NPR1: variants seen among roughly 807,000 people sequenced by gnomAD.
NPR1 encodes natriuretic peptide receptor 1.
In NPR1, 57 loss-of-function variants were observed where a neutral mutation model predicts 116.9. That is an observed-to-expected ratio of 0.49 (90% CI 0.39 to 0.61). The LOEUF (loss-of-function observed/expected upper bound fraction) is 0.61, where lower values mean the gene tolerates loss of function less well. NPR1 is among the 20% of genes least tolerant of loss of function. The pLI is 0.00. For synonymous variants in NPR1, 555 were observed against 601.6 expected (o/e 0.92, Z 1.13); for missense variants, 1,096 against 1,409.8 (o/e 0.78, Z 3.56).
Position 153,679,442 on chromosome 1 carries a change from G to C in NPR1, c.334G>C (p.Val112Leu). ...CCTCAAGTGGGAGCACAACCCCGCT[G>C]TGTTCCTGGGCCCCGGCTGCGTGTA... Reference protein sequence around the residue: ...VDLKWEHNPAVFLGPGCVYAA... With the variant: ...VDLKWEHNPALFLGPGCVYAA... Residue 112 changes from valine (V) to leucine (L), a missense_variant, in exon 1 of 22, where the codon GTG becomes CTG. Transcript: ENST00000368680. This position sits in a 1 kb window ranked among gnomAD's most constrained non-coding sequence, Gnocchi z 4.2. The C allele has an allele frequency of 6.5e-7, 1 of 1,543,082 alleles. No homozygotes were observed. The highest frequency in any genetic ancestry group is 8.7e-7 in the Non-Finnish European group (1 of 1,148,828).
At chr1:153,692,743 C>T (rs1046080016) in intron 20 of NPR1, among the ~76,000 whole-genome samples, 6 of 151,928 alleles carry the variant, frequency 3.9e-5, no homozygotes, top group African/African-American at 1.5e-4. Flanking sequence ...GAACTCCTGG[C>T]CTCAAGTGAT....
rs1670022336 is a variant in NPR1 at position 153,689,279 on chromosome 1, A to C, written c.2656A>C (p.Thr886Pro). 1 of 1,614,080 alleles carries C rather than the reference A, an allele frequency of 6.2e-7. No homozygotes were observed. Among genetic ancestry groups the C allele is most frequent in the Non-Finnish European group, 8.5e-7 (1 of 1,180,038 alleles). ...CTACTTCAGTGACATTGTGGGTTTCACAGCGCTGTCGGCGGAGAGCACACC... is the reference window on the plus strand; with the variant it reads ...CTACTTCAGTGACATTGTGGGTTTCCCAGCGCTGTCGGCGGAGAGCACACC... ...TIYFSDIVGF[T>P]ALSAESTPMQ... is the part of the protein sequence containing the mutation. The change falls in exon 17 of 22, where the codon ACA (threonine) becomes CCA (proline). Residue 886 changes from threonine (T) to proline (P), a missense_variant. Physicochemically the swap from Thr to Pro is conservative, Grantham distance 38 (BLOSUM62 -1). Transcript: ENST00000368680. This position sits in a 1 kb window ranked among gnomAD's most constrained non-coding sequence, Gnocchi z 5.1.
In NPR1 at chr1:153,689,932, C is replaced by A; in HGVS notation, c.2884C>A (p.Arg962Ser). The A allele has an allele frequency of 6.4e-7, 1 of 1,551,120 alleles. No individual in the cohort carries two copies. The change falls in exon 19 of 22, where the codon CGC becomes AGC. Residue 962 changes from arginine (R) to serine (S), a missense_variant. Transcript: ENST00000368680. This position sits in a 1 kb window ranked among gnomAD's most constrained non-coding sequence, Gnocchi z 5.1. ...GGATGCTGTGCGCTCCTTCCGAATC[C>A]GCCACCGGCCCCAGGAGCAGCTGCG... ...LLDAVRSFRI[R>S]HRPQEQLRLR...
Position 153,679,525 on chromosome 1 carries a change from C to T in NPR1, c.417C>T (p.Ala139=), listed in dbSNP as rs1571343733. Residue 139 remains alanine, a synonymous_variant, in exon 1 of 22, where the codon GCC becomes GCT. Transcript: ENST00000368680. The surrounding 1 kb of genome is among the most constrained non-coding windows in gnomAD (Gnocchi z 4.2). ...ACTGGCGGGTCCCGCTGCTGACCGC[C>T]GGCGCCCCGGCGCTGGGCTTCGGTG... ...TAHWRVPLLT[A]GAPALGFGVK... The T allele has an allele frequency of 2.6e-6, 4 of 1,536,876 alleles. No homozygotes were observed. Among genetic ancestry groups the T allele is most frequent in the South Asian group, 2.4e-5 (2 of 84,166 alleles).
At chr1:153,682,168 C>T (rs1374513188) in intron 4 of NPR1, among the ~76,000 whole-genome samples, 4 of 152,010 alleles carry the variant, frequency 2.6e-5, no homozygotes, top group African/African-American at 9.7e-5. Context: ...AATTCTCCTG[C>T]CTCAGCCTCC....
At chr1:153,681,157 C>G (rs754957187) in intron 2 of NPR1, 23 bp from the exon 3 acceptor site, 1 of 1,427,704 alleles carries the variant, frequency 7.0e-7, no homozygotes, top group Non-Finnish European at 9.9e-7. Context: ...CAACTCTCTG[C>G]TCTCCACTGA....
At chr1:153,681,444 C>T in intron 3 of NPR1, 151 bp downstream of exon 3, 1 of 645,376 alleles carries the variant, frequency 1.5e-6, no homozygotes, top group Non-Finnish European at 2.7e-6. Flanking sequence ...GAGGAGGACA[C>T]TGGCAAGTTC....
intron 7 of NPR1, 116 bp from the exon 8 acceptor site, chr1:153,684,848 C>T (rs1669882308): frequency 3.7e-6 from 5 of 1,343,938 alleles, no homozygotes; most frequent in Non-Finnish European, 4.1e-6. Flanking sequence ...GGATAGAATT[C>T]CCCCTCCATC....
chr1:153,681,411 G>A, intron 3 of NPR1, 118 bp downstream of exon 3: 1 of 693,134 alleles, frequency 1.4e-6, no homozygotes, highest in Non-Finnish European at 2.5e-6. Flanking sequence ...CCTTCCCATT[G>A]TTCCATGTTT....
Position 153,690,259 on chromosome 1 carries a change from CTGCTCCTTCCCT to C in NPR1, c.2933-17_2933-6del. On this transcript the variant is annotated splice_polypyrimidine_tract_variant and intron_variant, in intron 19 of 21. Coordinates refer to ENST00000368680, the MANE Select transcript of NPR1 (RefSeq NM_000906.4). ...TCCCTCCCTCACTCGCTGATGGGCT[CTGCTCCTTCCCT>C]TGCTCCTCCCAGGACCTGTGTGTGC... 6.5e-7 allele frequency: 1 copy of C among 1,539,030 alleles called. No homozygotes were observed. Among genetic ancestry groups the C allele is most frequent in the Non-Finnish European group, 8.8e-7 (1 of 1,135,194 alleles).
rs768107255 is a variant in NPR1, at chr1:153,690,379, G to A, written c.3028G>A (p.Glu1010Lys). The change falls in exon 20 of 22, where the codon GAA (glutamate) becomes AAA (lysine). Residue 1010 changes from glutamate (E) to lysine (K), a missense_variant. Glu to Lys is a moderately conservative substitution (Grantham distance 56). Transcript: ENST00000368680. ...AGCCTCAAGAATGGAGTCTAATGGG[G>A]AAGGTACAGTGCCCCCTCCTAGAGG... ...NTASRMESNGEALKIHLSSET... is the reference protein window; with the variant it reads ...NTASRMESNGKALKIHLSSET... 13 of 1,555,094 alleles carry A rather than the reference G, an allele frequency of 8.4e-6. No homozygotes were observed. Among genetic ancestry groups the A allele is most frequent in the South Asian group, 1.2e-5 (1 of 84,384 alleles).
Position 153,682,484 on chromosome 1 carries a change from C to T in NPR1, c.1172-14C>T, listed in dbSNP as rs550468871. The T allele has an allele frequency of 6.3e-7, 1 of 1,597,792 alleles. No homozygotes were observed. Among genetic ancestry groups the T allele is most frequent in the South Asian group, 1.1e-5 (1 of 90,692 alleles). The stretch of plus-strand genomic sequence containing the variant: ...TATTCTCTCAAACATAGTCATCTTC[C>T]CCCATGTCCTCAGGTGTGACAGGAT... On this transcript the variant is annotated splice_polypyrimidine_tract_variant and intron_variant, in intron 4 of 21. Coordinates refer to ENST00000368680, the MANE Select transcript of NPR1 (RefSeq NM_000906.4).
At chr1:153,691,503 C>T (rs1670107717) in intron 20 of NPR1, among the ~76,000 whole-genome samples, 2 of 152,106 alleles carry the variant, frequency 1.3e-5, no homozygotes, top group South Asian at 4.1e-4. Context: ...CCTGGGAGCC[C>T]AGAGGGATCT....
chr1:153,688,476 G>T (rs763897429), intron 15 of NPR1, among the ~76,000 whole-genome samples: 1 of 151,836 alleles, frequency 6.6e-6, no homozygotes, highest in Non-Finnish European at 1.5e-5. Flanking sequence ...CTGCCCACTC[G>T]CCTTGCTGGC....
Position 153,687,725 on chromosome 1 carries a change from C to T in NPR1, c.2184C>T (p.Ile728=), listed in dbSNP as rs752501718. The change falls in exon 14 of 22, where the codon ATC becomes ATT. Residue 728 remains isoleucine, a synonymous_variant. Coordinates refer to ENST00000368680, the MANE Select transcript of NPR1 (RefSeq NM_000906.4). ...QAGDVYSFGI[I]LQEIALRSGV... ...GTGACGTATACAGCTTTGGGATCAT[C>T]CTTCAGGAGATTGCCCTGAGGAGTG... The T allele has an allele frequency of 2.5e-6, 4 of 1,607,438 alleles. No individual in the cohort carries two copies. In the Admixed American group the frequency reaches 5.0e-5, roughly 20 times the overall value.
rs1395760913 is a variant in NPR1, at chr1:153,679,384, C to T, written c.276C>T (p.Cys92=). Residue 92 remains cysteine, a synonymous_variant, in exon 1 of 22, where the codon TGC becomes TGT. Transcript: ENST00000368680. This position sits in a 1 kb window ranked among gnomAD's most constrained non-coding sequence, Gnocchi z 4.2. ...GCAGCGAAAACGCGCTGGGCGTCTG[C>T]TCCGACACCGCAGCGCCCCTGGCCG... The part of the protein sequence containing the change: ...LGSSENALGV[C]SDTAAPLAAV... 21 of 1,540,412 alleles carry T rather than the reference C, an allele frequency of 1.4e-5. No individual in the cohort carries two copies. The highest frequency in any genetic ancestry group is 1.8e-5 in the Non-Finnish European group (21 of 1,148,474).
chr1:153,688,588 C>T (rs1670000595), intron 15 of NPR1: 1 of 414,502 alleles, frequency 2.4e-6, no homozygotes, highest in Non-Finnish European at 4.4e-6. Flanking sequence ...CCTTGATTTC[C>T]CTTCCCCAGC....
rs35240348 is a variant in NPR1, at chr1:153,689,864, G to A, written c.2816G>A (p.Arg939Gln). Reference sequence around the variant, plus strand: ...TCAGGGCTCCCTGTGCGGAACGGGCGGCTACACGCCTGCGAGGTAGCCCGC... The same window carrying A: ...TCAGGGCTCCCTGTGCGGAACGGGCAGCTACACGCCTGCGAGGTAGCCCGC... ...VVSGLPVRNG[R>Q]LHACEVARMA... is the part of the protein sequence containing the mutation. The change falls in exon 19 of 22, where the codon CGG becomes CAG. Residue 939 changes from arginine (R) to glutamine (Q), a missense_variant. Arg to Gln is a conservative substitution (Grantham distance 43). Coordinates refer to ENST00000368680, the MANE Select transcript of NPR1 (RefSeq NM_000906.4). This position sits in a 1 kb window ranked among gnomAD's most constrained non-coding sequence, Gnocchi z 5.1. The A allele has an allele frequency of 0.078, 125,005 of 1,592,450 alleles. 6,195 individuals are homozygous for A. Among genetic ancestry groups the A allele is most frequent in the African/African-American group, 0.21 (15,888 of 74,584 alleles).
intron 20 of NPR1, among the ~76,000 whole-genome samples, chr1:153,692,733 G>A (rs756232683): frequency 6.6e-6 from 1 of 151,940 alleles, no homozygotes; most frequent in Non-Finnish European, 1.5e-5. Context: ...GGATGGTCTC[G>A]AACTCCTGGC....
Sources: gnomAD v4.1 joint callset for allele counts (sites outside exome capture counted in the v4.1 genomes callset) on GRCh38, gnomAD v4.1.1 for gene constraint, Gnocchi (gnomAD v3.1) non-coding constraint, MANE v1.5 for transcripts, NCBI Gene and HGNC (gene_info 2026-07-23, HGNC 2026-07-21) for gene names.